Variants in PPM1A observed in about 807,000 individuals in gnomAD.
PPM1A encodes the protein protein phosphatase 1A.
Under a neutral mutation model 35.0 loss-of-function variants are expected in PPM1A, and 7 were observed. That is an observed-to-expected ratio of 0.20 (90% CI 0.11 to 0.38). The LOEUF (loss-of-function observed/expected upper bound fraction) is 0.38, where lower values mean the gene tolerates loss of function less well. Among genes scored for constraint, PPM1A ranks in the 10% least tolerant of loss-of-function variants. The pLI, the probability that PPM1A is intolerant of heterozygous loss-of-function variation, is 1.00. For synonymous variants in PPM1A, 153 were observed against 167.3 expected (o/e 0.91, Z 0.66); for missense variants, 239 against 467.8 (o/e 0.51, Z 4.51).
intron 1 of PPM1A, among the ~76,000 whole-genome samples, chr14:60,253,707 AG>A (rs963007163): frequency 7.2e-5 from 11 of 152,338 alleles, no homozygotes; most frequent in South Asian, 2.1e-4. Context: ...AAGTTAACAA[AG>A]CTAAACATTT....
chr14:60,258,533 T>G (rs6573299), intron 1 of PPM1A, among the ~76,000 whole-genome samples: 56,865 of 152,002 alleles, frequency 0.37, 11,872 homozygotes, highest in African/African-American at 0.57. Context: ...TTGATAAACT[T>G]TTTAAAGTCA....
chr14:60,285,251 G>A (rs763010008), intron 2 of PPM1A, among the ~76,000 whole-genome samples: 1 of 152,182 alleles, frequency 6.6e-6, no homozygotes, highest in Non-Finnish European at 1.5e-5. Context: ...CTGTCATGTT[G>A]TATGGAAGGA....
In PPM1A at chr14:60,273,048, CT is replaced by C. The variant is rs1266075654; in HGVS notation, c.-20-9633del. On this transcript the variant is annotated intron_variant, in intron 1 of 5. Coordinates refer to ENST00000395076, the MANE Select transcript of PPM1A (RefSeq NM_021003.5). The surrounding 1 kb of genome is among the most constrained non-coding windows in gnomAD (Gnocchi z 4.3). Reference sequence around the variant, plus strand: ...TTGAAAAGGCTTCAACTGAGGAACACTTTCTTCTCATTTCTTTGATGATAGC... The same window carrying C: ...TTGAAAAGGCTTCAACTGAGGAACACTTCTTCTCATTTCTTTGATGATAGC... 6.6e-6 allele frequency among the ~76,000 whole-genome samples: 1 copy of C among 152,052 alleles called. No individual in the cohort carries two copies. The highest frequency in any genetic ancestry group is 1.5e-5 in the Non-Finnish European group (1 of 68,010).
chr14:60,246,044 CAGGT>C, upstream of PPM1A: 1 of 1,575,788 alleles, frequency 6.3e-7, no homozygotes, highest in Non-Finnish European at 8.6e-7. Flanking sequence ...AAATATGAAA[CAGGT>C]AGTGAGGGAG....
chr14:60,287,780 G>A, intron 3 of PPM1A: 1 of 982,520 alleles, frequency 1.0e-6, no homozygotes, highest in Non-Finnish European at 1.2e-6. Context: ...TATTAATTTT[G>A]TGGTCCTTCT....
chr14:60,271,228 G>A (rs1006312176), intron 1 of PPM1A, among the ~76,000 whole-genome samples: 4 of 152,196 alleles, frequency 2.6e-5, no homozygotes, highest in Admixed American at 1.3e-4. Flanking sequence ...GTGTGTGTCA[G>A]ATCTTCCCCT....
At chr14:60,251,023 CTT>C (rs1882343519) in intron 1 of PPM1A, among the ~76,000 whole-genome samples, 2 of 152,200 alleles carry the variant, frequency 1.3e-5, no homozygotes, top group African/African-American at 4.8e-5. Context: ...CTTTTACTGA[CTT>C]AATGCTTTCT....
chr14:60,291,716 C>T (rs1057345617), intron 5 of PPM1A, among the ~76,000 whole-genome samples: 55 of 149,952 alleles, frequency 3.7e-4, no homozygotes, highest in African/African-American at 1.2e-3. Context: ...TCTTTACAAA[C>T]AATCAACTTC....
At chr14:60,268,723 A>G (rs964629575) in intron 1 of PPM1A, among the ~76,000 whole-genome samples, 4 of 151,334 alleles carry the variant, frequency 2.6e-5, no homozygotes, top group African/African-American at 9.7e-5. Context: ...GTTTCTTAAT[A>G]AGGTTTGGTC....
upstream of PPM1A, among the ~76,000 whole-genome samples, chr14:60,246,743 A>G (rs1177643019): frequency 6.6e-6 from 1 of 152,232 alleles, no homozygotes; most frequent in Non-Finnish European, 1.5e-5. Flanking sequence ...TTAAAATATT[A>G]ATCTTATAAC....
At position 60,249,867 on chromosome 14, in the gene PPM1A, C is replaced by A. The variant is rs1317000293; in HGVS notation, c.-21+190C>A. 6.6e-6 allele frequency among the ~76,000 whole-genome samples: 1 copy of A among 151,256 alleles called. No individual in the cohort carries two copies. Among genetic ancestry groups the A allele is most frequent in the African/African-American group, 2.4e-5 (1 of 41,272 alleles). ...CGGGCGGCGGACGGCGAGGGGTTAACGCTCGGCGAGGGCGGTGGCGGGGAG... is the reference window on the plus strand; with the variant it reads ...CGGGCGGCGGACGGCGAGGGGTTAAAGCTCGGCGAGGGCGGTGGCGGGGAG... On this transcript the variant is annotated intron_variant, in intron 1 of 5. Transcript: ENST00000395076. This position sits in a 1 kb window ranked among gnomAD's most constrained non-coding sequence, Gnocchi z 4.5.
intron 1 of PPM1A, among the ~76,000 whole-genome samples, chr14:60,265,780 G>C (rs1342629703): frequency 1.3e-5 from 2 of 152,126 alleles, no homozygotes; most frequent in African/African-American, 4.8e-5. Flanking sequence ...GTGCAAACAA[G>C]GGCAAGACGG....
chr14:60,255,159 GT>G lies in PPM1A; in HGVS notation c.-21+5496del, dbSNP rs869066455. 7.2e-4 allele frequency among the ~76,000 whole-genome samples: 73 copies of G among 100,790 alleles called. 1 individual carries two copies. Among genetic ancestry groups the G allele is most frequent in the South Asian group, 2.1e-3 (7 of 3,300 alleles). 66.1% of individuals were successfully genotyped at this position (100,790 alleles called of 152,430 possible). ...TGTCTGTGTATTATTTCTATCATAT[GT>G]TTTTTTTTTTTTTGTTTTGTTTTGT... is the stretch of plus-strand genomic sequence containing the variant. On this transcript the variant is annotated intron_variant, in intron 1 of 5. Coordinates refer to ENST00000395076, the MANE Select transcript of PPM1A (RefSeq NM_021003.5).
chr14:60,288,823 C>T (rs991030303), intron 3 of PPM1A, among the ~76,000 whole-genome samples: 3 of 151,986 alleles, frequency 2.0e-5, no homozygotes, highest in Non-Finnish European at 4.4e-5. Flanking sequence ...CCATTTCTTA[C>T]CATAAACATT....
At chr14:60,279,305 C>T (rs1485631580) in intron 1 of PPM1A, among the ~76,000 whole-genome samples, 1 of 152,112 alleles carries the variant, frequency 6.6e-6, no homozygotes, top group East Asian at 1.9e-4. Context: ...TTAATAGAGA[C>T]AGGGTTTCAC....
At chr14:60,260,106 T>C (rs890060730) in intron 1 of PPM1A, among the ~76,000 whole-genome samples, 1 of 152,112 alleles carries the variant, frequency 6.6e-6, no homozygotes, top group Non-Finnish European at 1.5e-5. Context: ...CTAATTATTT[T>C]TTAAAAATTT....
At chr14:60,288,158 T>C (rs1182966738) in intron 3 of PPM1A, 2 of 985,052 alleles carry the variant, frequency 2.0e-6, no homozygotes, top group African/African-American at 1.7e-5. Context: ...GAACAGGAGA[T>C]ATTAACTGTT....
At position 60,250,478 on chromosome 14, in the gene PPM1A, T is replaced by G. The variant is rs573677927; in HGVS notation, c.-21+801T>G. The stretch of plus-strand genomic sequence containing the variant: ...GATACGTTTTGAAAATTTCATCACC[T>G]GAGGTATTTTTCTTCTCTCCTGAAA... On this transcript the variant is annotated intron_variant, in intron 1 of 5. Coordinates refer to ENST00000395076, the MANE Select transcript of PPM1A (RefSeq NM_021003.5). The G allele has an allele frequency of 8.3e-6, 8 of 963,298 alleles. No homozygotes were observed. In the African/African-American group the frequency reaches 1.4e-4, roughly 17 times the overall value. 59.7% of individuals were successfully genotyped at this position (963,298 alleles called of 1,614,324 possible).
intron 1 of PPM1A, among the ~76,000 whole-genome samples, chr14:60,280,072 G>C (rs1407344001): frequency 6.6e-6 from 1 of 152,056 alleles, no homozygotes; most frequent in Non-Finnish European, 1.5e-5. Flanking sequence ...TGTGATCTCA[G>C]CTTGGCTCAG....
Sources: gnomAD v4.1 joint callset for allele counts (sites outside exome capture counted in the v4.1 genomes callset) on GRCh38, gnomAD v4.1.1 for gene constraint, Gnocchi (gnomAD v3.1) non-coding constraint, MANE v1.5 for transcripts, NCBI Gene and HGNC (gene_info 2026-07-23, HGNC 2026-07-21) for gene names.